The following LMO4 variants were observed in gnomAD, a reference collection of about 807,000 sequenced individuals.
The protein encoded by LMO4 is LIM domain only 4, also known as LIM domain transcription factor LMO4.
In LMO4, 3 loss-of-function variants were observed where a neutral mutation model predicts 18.5. The observed-to-expected ratio is 0.16, with a 90% CI of 0.07 to 0.42. LMO4 has a LOEUF of 0.42. Among genes scored for constraint, LMO4 ranks in the 10% least tolerant of loss-of-function variants. The probability of loss-of-function intolerance (pLI) is 0.99; values close to 1 mark genes in which losing one functional copy is unlikely to be tolerated. For synonymous variants in LMO4, 100 were observed against 88.1 expected, an observed-to-expected ratio of 1.14 and a Z score of -0.76; for missense variants, 121 against 219.9, an observed-to-expected ratio of 0.55 and a Z score of 2.84.
intron 4 of LMO4, among the ~76,000 whole-genome samples, chr1:87,342,814 G>T (rs1305132022): frequency 6.6e-6 from 1 of 152,124 alleles, no homozygotes; most frequent in Admixed American, 6.5e-5. Context: ...AAGAGTTAAT[G>T]AAAACATACT....
intron 4 of LMO4, among the ~76,000 whole-genome samples, chr1:87,344,425 T>G (rs1650573530): frequency 1.3e-5 from 2 of 152,210 alleles, no homozygotes; most frequent in Non-Finnish European, 2.9e-5. Context: ...GAACTTGTCT[T>G]GGAATGTCCC....
chr1:87,338,901 C>T (rs997715251), intron 2 of LMO4, among the ~76,000 whole-genome samples: 6 of 152,138 alleles, frequency 3.9e-5, no homozygotes, highest in Admixed American at 3.9e-4. Flanking sequence ...GAAGTTGGAG[C>T]AAGCATTTCA....
intron 2 of LMO4, among the ~76,000 whole-genome samples, chr1:87,335,095 C>T (rs1374741199): frequency 6.6e-6 from 1 of 152,066 alleles, no homozygotes; most frequent in Non-Finnish European, 1.5e-5. Context: ...CAACGCCTGC[C>T]TGGCCCCCCC....
intron 4 of LMO4, among the ~76,000 whole-genome samples, chr1:87,341,059 G>A (rs1467428789): frequency 1.3e-5 from 2 of 152,140 alleles, no homozygotes; most frequent in East Asian, 1.9e-4. Context: ...GATAACTGCT[G>A]TGCCTAATTT....
intron 4 of LMO4, among the ~76,000 whole-genome samples, chr1:87,340,668 A>T (rs745390953): frequency 1.3e-5 from 2 of 152,312 alleles, no homozygotes; most frequent in East Asian, 3.9e-4. Context: ...CCAATTTACA[A>T]TTCATTTACT....
chr1:87,332,001 C>T lies in LMO4; in HGVS notation c.-3-12C>T, dbSNP rs1020846749. The T allele has an allele frequency of 4.4e-6, 7 of 1,605,752 alleles. No individual in the cohort carries two copies. Among genetic ancestry groups the T allele is most frequent in the African/African-American group, 4.0e-5 (3 of 74,778 alleles). ...TGTCTTTCTCTCCCTGTCCCCTTCC[C>T]GCCCTCTGCAGACCATGGTGAATCC... On this transcript the variant is annotated splice_polypyrimidine_tract_variant and intron_variant, in intron 1 of 4. Coordinates refer to ENST00000370544, the MANE Select transcript of LMO4 (RefSeq NM_006769.4).
rs1331550831 is a variant in LMO4 at position 87,346,603 on chromosome 1, T to G, written c.*1807T>G. ...CAGCACATCTCAACTACCAGTCAGC[T>G]TCCCTTTGAGAACTTCTGTGCTCAC... On this transcript the variant is annotated 3_prime_UTR_variant, in exon 5 of 5. Transcript: ENST00000370544. The G allele has an allele frequency of 6.6e-6, 1 of 152,114 alleles. No homozygotes were observed. Among genetic ancestry groups the G allele is most frequent in the Admixed American group, 6.5e-5 (1 of 15,278 alleles). 9.4% of individuals were successfully genotyped at this position (152,114 alleles called of 1,614,324 possible).
At chr1:87,334,610 G>A (rs1225873786) in intron 2 of LMO4, among the ~76,000 whole-genome samples, 1 of 152,148 alleles carries the variant, frequency 6.6e-6, no homozygotes, top group Non-Finnish European at 1.5e-5. Context: ...ATTTACTGAG[G>A]GGCTTTTAAA....
chr1:87,332,007 C>T lies in LMO4; in HGVS notation c.-3-6C>T, dbSNP rs1470643646. On this transcript the variant is annotated splice_polypyrimidine_tract_variant and splice_region_variant and intron_variant, in intron 1 of 4. Transcript: ENST00000370544. ...TCTCTCCCTGTCCCCTTCCCGCCCT[C>T]TGCAGACCATGGTGAATCCGGGCAG... 6.2e-7 allele frequency: 1 copy of T among 1,610,190 alleles called. No homozygotes were observed. Among genetic ancestry groups the T allele is most frequent in the African/African-American group, 1.3e-5 (1 of 74,876 alleles).
At position 87,332,009 on chromosome 1, in the gene LMO4, G is replaced by A; in HGVS notation, c.-3-4G>A. The A allele has an allele frequency of 2.5e-6, 4 of 1,610,422 alleles. No individual in the cohort carries two copies. The highest frequency in any genetic ancestry group is 1.3e-5 in the African/African-American group (1 of 74,996). ...TCTCCCTGTCCCCTTCCCGCCCTCT[G>A]CAGACCATGGTGAATCCGGGCAGCA... On this transcript the variant is annotated splice_polypyrimidine_tract_variant and splice_region_variant and intron_variant, in intron 1 of 4. Coordinates refer to ENST00000370544, the MANE Select transcript of LMO4 (RefSeq NM_006769.4).
intron 2 of LMO4, among the ~76,000 whole-genome samples, chr1:87,337,009 G>A (rs1650336062): frequency 6.6e-6 from 1 of 150,488 alleles, no homozygotes; most frequent in African/African-American, 2.5e-5. Flanking sequence ...CAACTTTTCA[G>A]AAAAAGGGTG....
rs1271644854 is a variant in LMO4 at position 87,332,229 on chromosome 1, C to T, written c.214C>T (p.Leu72Phe). The T allele has an allele frequency of 6.2e-7, 1 of 1,614,042 alleles. No homozygotes were observed. Among genetic ancestry groups the T allele is most frequent in the Admixed American group, 1.7e-5 (1 of 60,034 alleles). ...TSCYTKSGMI[L>F]CRNDYIRLFG... ...CTGTTACACCAAAAGTGGCATGATC[C>T]TTTGCAGAAATGACTACATTAGGTA... Residue 72 changes from leucine to phenylalanine, a missense_variant, in exon 2 of 5, where the codon CTT (leucine) becomes TTT (phenylalanine). Leu to Phe is a conservative substitution (Grantham distance 22, BLOSUM62 0). This residue lies in a region of LMO4 where 62 missense variants were observed against 128.8 expected (regional missense o/e 0.48). Coordinates refer to ENST00000370544, the MANE Select transcript of LMO4 (RefSeq NM_006769.4).
At chr1:87,334,090 C>T (rs1650229833) in intron 2 of LMO4, among the ~76,000 whole-genome samples, 1 of 152,172 alleles carries the variant, frequency 6.6e-6, no homozygotes, top group Admixed American at 6.5e-5. Flanking sequence ...ATTCTTGGGG[C>T]CAAATGTAAA....
At position 87,340,033 on chromosome 1, in the gene LMO4, T is replaced by C; in HGVS notation, c.334-14T>C. 2.5e-6 allele frequency: 4 copies of C among 1,607,666 alleles called. No individual in the cohort carries two copies. Among genetic ancestry groups the C allele is most frequent in the Non-Finnish European group, 3.4e-6 (4 of 1,177,548 alleles). On this transcript the variant is annotated splice_polypyrimidine_tract_variant and intron_variant, in intron 3 of 4. Coordinates refer to ENST00000370544, the MANE Select transcript of LMO4 (RefSeq NM_006769.4). Reference sequence around the variant, plus strand: ...TTTTACCTTGTTTTCAGTGGGTTTGTTTTTCCCTTTCAGTGTTTTACATGC... The same window carrying C: ...TTTTACCTTGTTTTCAGTGGGTTTGCTTTTCCCTTTCAGTGTTTTACATGC...
intron 4 of LMO4, among the ~76,000 whole-genome samples, chr1:87,343,242 T>C (rs1307934760): frequency 1.3e-5 from 2 of 152,234 alleles, no homozygotes; most frequent in East Asian, 3.8e-4. Context: ...TTCTGCATCA[T>C]TGGCTGTTGT....
chr1:87,331,862 C>G (rs987341392), intron 1 of LMO4, 151 bp from the exon 2 acceptor site: 5 of 625,360 alleles, frequency 8.0e-6, no homozygotes, highest in African/African-American at 3.7e-5. Flanking sequence ...CCCTCTCCCC[C>G]TCAGCCTCCT....
At chr1:87,333,947 A>AAC (rs1650223640) in intron 2 of LMO4, among the ~76,000 whole-genome samples, 1 of 151,964 alleles carries the variant, frequency 6.6e-6, no homozygotes. Flanking sequence ...GCCTTCAAAA[A>AAC]AAAAAAAACA....
intron 4 of LMO4, among the ~76,000 whole-genome samples, chr1:87,342,669 G>T (rs3766022): frequency 1.3e-5 from 2 of 151,942 alleles, no homozygotes; most frequent in African/African-American, 4.8e-5. Context: ...CCCTGTTGGC[G>T]TAAGTGTCTC....
At chr1:87,344,739 C>T in intron 4 of LMO4, 49 bp from the exon 5 acceptor site, 1 of 1,597,588 alleles carries the variant, frequency 6.3e-7, no homozygotes, top group Non-Finnish European at 8.6e-7. Flanking sequence ...AGTTTAATAT[C>T]TCTCAAATTT....
Sources: gnomAD v4.1 joint callset for allele counts (sites outside exome capture counted in the v4.1 genomes callset) on GRCh38, gnomAD v4.1.1 for gene constraint, gnomAD v4.1.1 regional missense constraint, MANE v1.5 for transcripts, NCBI Gene and HGNC (gene_info 2026-07-23, HGNC 2026-07-21) for gene names.